Variants in DGKG observed in about 807,000 individuals in gnomAD.
DGKG encodes DAG kinase gamma.
DGKG carries 78 observed loss-of-function variants against 105.3 expected under a neutral mutation model. The ratio of observed to expected loss-of-function variants is 0.74; its 90% CI spans 0.62 to 0.89. The LOEUF (loss-of-function observed/expected upper bound fraction) is 0.89. Among genes scored for constraint, DGKG ranks in the 40% least tolerant of loss-of-function variants. DGKG has a pLI of 0.00. For missense variants in DGKG, 958 were observed against 1,020.1 expected, an observed-to-expected ratio of 0.94 and a Z score of 0.83; for synonymous variants, 346 against 367.1, an observed-to-expected ratio of 0.94 and a Z score of 0.66.
At chr3:186,189,312 GA>G (rs1315071317) in intron 21 of DGKG, among the ~76,000 whole-genome samples, 1 of 152,176 alleles carries the variant, frequency 6.6e-6, no homozygotes, top group Non-Finnish European at 1.5e-5. Flanking sequence ...CAAAAAGCCA[GA>G]AGGCTTGAAT....
intron 7 of DGKG, chr3:186,281,329 G>A (rs779245868): frequency 3.3e-5 from 5 of 152,484 alleles, no homozygotes; most frequent in Non-Finnish European, 5.9e-5. Context: ...TGAGGAATAT[G>A]TTTACTTGAT....
intron 22 of DGKG, among the ~76,000 whole-genome samples, chr3:186,170,569 AG>A (rs1716771042): frequency 6.6e-6 from 1 of 152,212 alleles, no homozygotes; most frequent in Non-Finnish European, 1.5e-5. Flanking sequence ...AATGTCAACA[AG>A]TTATTTCATG....
chr3:186,284,593 C>T lies in DGKG; in HGVS notation c.594+67G>A, dbSNP rs950216643. ...GGAACTGAACATTTTCAGATTCTTC[C>T]TCTGCTTGCTCCCTGCTCCCCCAGC... On this transcript the variant is annotated intron_variant, in intron 7 of 24. Transcript: ENST00000265022. This position sits in a 1 kb window ranked among gnomAD's most constrained non-coding sequence, Gnocchi z 4.0. 22 of 1,342,356 alleles carry T rather than the reference C, an allele frequency of 1.6e-5. No individual in the cohort carries two copies. Among genetic ancestry groups the T allele is most frequent in the Non-Finnish European group, 2.2e-5 (21 of 934,450 alleles). The allele number at this position is 1,342,356 out of a possible 1,614,324, so 83.2% of individuals were successfully genotyped here. A position where few individuals can be genotyped will look rare whatever the true frequency, so the allele number is the denominator to read the frequency against.
chr3:186,251,976 T>C (rs555447967), intron 18 of DGKG, 57 bp from the exon 19 acceptor site: 7 of 1,488,860 alleles, frequency 4.7e-6, no homozygotes, highest in East Asian at 2.4e-5. Context: ...TTCTTGCTAA[T>C]GCACAGGTAG....
chr3:186,357,457 A>T (rs1727024055), intron 1 of DGKG, among the ~76,000 whole-genome samples: 1 of 152,238 alleles, frequency 6.6e-6, no homozygotes, highest in African/African-American at 2.4e-5. Flanking sequence ...CTTTGAAATC[A>T]TATAGACCTG....
intron 1 of DGKG, among the ~76,000 whole-genome samples, chr3:186,327,404 TGA>T (rs1725396055): frequency 3.5e-5 from 5 of 141,414 alleles, no homozygotes; most frequent in Non-Finnish European, 6.1e-5. Flanking sequence ...TTTTTTTTTT[TGA>T]GGCGTGGTTT....
rs562086842 is a variant in DGKG, at chr3:186,245,960, A to T, written c.1762-3392T>A. ...AAAAAAACAGATGAAGTTAATATTT[A>T]AAACAATTTTTAAATTTTTTTATTT... On this transcript the variant is annotated intron_variant, in intron 19 of 24. Transcript: ENST00000265022. 1.1e-3 allele frequency among the ~76,000 whole-genome samples: 166 copies of T among 152,294 alleles called. 1 individual carries two copies. Among genetic ancestry groups the T allele is most frequent in the African/African-American group, 3.8e-3 (158 of 41,572 alleles).
In DGKG at chr3:186,310,265, C is replaced by CAAAAAAAAAAAAAAAAAAA. The variant is rs1165723037; in HGVS notation, c.68-3307_68-3289dup. 3.3e-4 allele frequency among the ~76,000 whole-genome samples: 11 copies of CAAAAAAAAAAAAAAAAAAA among 33,296 alleles called. 1 individual carries two copies. Among genetic ancestry groups the CAAAAAAAAAAAAAAAAAAA allele is most frequent in the South Asian group, 5.3e-3 (2 of 380 alleles). 21.8% of individuals were successfully genotyped at this position (33,296 alleles called of 152,430 possible). Reference sequence around the variant, plus strand: ...CTGGCAACAAAGCAAGACTCCGTCTCAAAAAAAAAAAAAAAAAAAAAAAAC... The same window carrying CAAAAAAAAAAAAAAAAAAA: ...CTGGCAACAAAGCAAGACTCCGTCTCAAAAAAAAAAAAAAAAAAAAAAAAAAAAAAAAAAAAAAAAAAAC... On this transcript the variant is annotated intron_variant, in intron 2 of 24. Coordinates refer to ENST00000265022, the MANE Select transcript of DGKG (RefSeq NM_001346.3).
chr3:186,265,969 C>T (rs753151353), intron 13 of DGKG, among the ~76,000 whole-genome samples: 4 of 151,826 alleles, frequency 2.6e-5, no homozygotes, highest in South Asian at 4.2e-4. Context: ...TGCGCCTGGC[C>T]GTCGACTTGG....
intron 7 of DGKG, among the ~76,000 whole-genome samples, chr3:186,283,214 T>C (rs544805648): frequency 6.6e-6 from 1 of 152,274 alleles, no homozygotes; most frequent in South Asian, 2.1e-4. Flanking sequence ...ATAAACACTA[T>C]TAATCACCTA....
Position 186,288,765 on chromosome 3 carries a change from A to T in DGKG, c.489T>A (p.Asp163Glu). 6.2e-7 allele frequency: 1 copy of T among 1,614,098 alleles called. No homozygotes were observed. The highest frequency in any genetic ancestry group is 1.1e-5 in the South Asian group (1 of 91,076). Residue 163 changes from aspartate (D) to glutamate (E), a missense_variant, in exon 6 of 25, where the codon GAT becomes GAA. Coordinates refer to ENST00000265022, the MANE Select transcript of DGKG (RefSeq NM_001346.3). ...SSESPVVYLK[D>E]VVCYLSLLET... The stretch of plus-strand genomic sequence containing the variant: ...CCAGCAGGGACAGGTAGCACACAAC[A>T]TCCTTCAGGTATACCACTGGGGATT...
intron 9 of DGKG, among the ~76,000 whole-genome samples, chr3:186,278,400 C>G (rs1328430115): frequency 6.6e-6 from 1 of 152,110 alleles, no homozygotes; most frequent in African/African-American, 2.4e-5. Context: ...GTACATAAAG[C>G]TTCTTGGCAA....
At chr3:186,253,361 CA>C (rs1721315885) in intron 17 of DGKG, among the ~76,000 whole-genome samples, 179 bp from the exon 18 acceptor site, 1 of 152,186 alleles carries the variant, frequency 6.6e-6, no homozygotes, top group African/African-American at 2.4e-5. Context: ...GCGTGTTAAC[CA>C]CCACTAATTG....
intron 5 of DGKG, among the ~76,000 whole-genome samples, chr3:186,290,451 C>T (rs1454978893): frequency 6.6e-6 from 1 of 152,170 alleles, no homozygotes; most frequent in Non-Finnish European, 1.5e-5. Context: ...TCTACCTTGA[C>T]TAAAATGGGC....
intron 1 of DGKG, among the ~76,000 whole-genome samples, chr3:186,330,996 G>T (rs1254806087): frequency 6.6e-6 from 1 of 152,194 alleles, no homozygotes; most frequent in African/African-American, 2.4e-5. Flanking sequence ...AACAGAATCT[G>T]CATGATTCAT....
At position 186,150,189 on chromosome 3, in the gene DGKG, C is replaced by T. The variant is rs1246217652; in HGVS notation, c.2278-1G>A. ...CTTGGTTCTTGTGAGTAATTTTAAT[C>T]TAAAAGCAAAGAGGCAGAAATGAAT... On this transcript the variant is annotated splice_acceptor_variant, in intron 24 of 24. Transcript: ENST00000265022. LOFTEE classifies it high-confidence loss of function. 1.9e-5 allele frequency: 30 copies of T among 1,609,994 alleles called. No individual in the cohort carries two copies. Among genetic ancestry groups the T allele is most frequent in the Non-Finnish European group, 2.5e-5 (30 of 1,177,804 alleles).
chr3:186,338,436 A>T (rs183616223), intron 1 of DGKG, among the ~76,000 whole-genome samples: 35 of 152,272 alleles, frequency 2.3e-4, no homozygotes, highest in African/African-American at 7.9e-4. Flanking sequence ...GTGAGTGATA[A>T]TGGAATCTCC....
chr3:186,361,434 G>A lies in DGKG; in HGVS notation c.-249+512C>T, dbSNP rs1488413708. Among the ~76,000 whole-genome samples, 4 of 152,112 alleles carry A rather than the reference G, an allele frequency of 2.6e-5. No individual in the cohort carries two copies. Among genetic ancestry groups the A allele is most frequent in the Non-Finnish European group, 5.9e-5 (4 of 68,022 alleles). On this transcript the variant is annotated intron_variant, in intron 1 of 24. Coordinates refer to ENST00000265022, the MANE Select transcript of DGKG (RefSeq NM_001346.3). This position sits in a 1 kb window ranked among gnomAD's most constrained non-coding sequence, Gnocchi z 6.8. The stretch of plus-strand genomic sequence containing the variant: ...CTCCTTTATTCTCTGAGGTGTCCGT[G>A]TTCGCTTCAGCTTCCCTTTAAGTCG...
intron 1 of DGKG, among the ~76,000 whole-genome samples, chr3:186,349,349 T>A (rs1435107982): frequency 6.6e-6 from 1 of 152,256 alleles, no homozygotes; most frequent in African/African-American, 2.4e-5. Context: ...CATCTTTAGC[T>A]TTCTGCATTG....
Sources: gnomAD v4.1 joint callset for allele counts (sites outside exome capture counted in the v4.1 genomes callset) on GRCh38, gnomAD v4.1.1 for gene constraint, Gnocchi (gnomAD v3.1) non-coding constraint, MANE v1.5 for transcripts, NCBI Gene and HGNC (gene_info 2026-07-23, HGNC 2026-07-21) for gene names.